The following RNF10 variants were observed in gnomAD, a reference collection of about 807,000 sequenced individuals.
RNF10 encodes ring finger protein 10.
RNF10 carries 38 observed loss-of-function variants against 91.4 expected under a neutral mutation model. The ratio of observed to expected loss-of-function variants is 0.42; its 90% CI spans 0.32 to 0.54. RNF10 has a LOEUF of 0.54. Ranked by LOEUF, RNF10 falls within the 20% of genes least tolerant of loss-of-function variation. RNF10 has a pLI of 0.16. For synonymous variants in RNF10, 364 were observed against 366.3 expected (o/e 0.99, Z 0.07); for missense variants, 945 against 1,012.0 (o/e 0.93, Z 0.90).
intron 8 of RNF10, 86 bp downstream of exon 8, chr12:120,563,156 C>T: frequency 6.3e-7 from 1 of 1,583,292 alleles, no homozygotes. Context: ...TCTAAACCTT[C>T]TCAAGAGAAG....
At chr12:120,553,466 G>A (rs1412454547) in intron 3 of RNF10, among the ~76,000 whole-genome samples, 3 of 145,368 alleles carry the variant, frequency 2.1e-5, no homozygotes, top group Admixed American at 7.1e-5. Context: ...GCAGTGGCAC[G>A]ATCTCAGCTC....
intron 3 of RNF10, among the ~76,000 whole-genome samples, chr12:120,553,038 GTTTTTTTTTTTTTTTTTTTTT>G (rs3049493): frequency 5.5e-5 from 5 of 90,980 alleles, no homozygotes; most frequent in African/African-American, 1.3e-4. Context: ...AAGAGGAAAG[GTTTTTTTTTTTTTTTTTTTTT>G]TTTTTTTTTT....
At chr12:120,557,115 A>G (rs1874163068) in intron 4 of RNF10, among the ~76,000 whole-genome samples, 167 bp from the exon 5 acceptor site, 1 of 151,778 alleles carries the variant, frequency 6.6e-6, no homozygotes, top group African/African-American at 2.4e-5. Context: ...AAAAATGATC[A>G]TACATGTACC....
chr12:120,570,000 C>G (rs997446022), intron 13 of RNF10, among the ~76,000 whole-genome samples: 1 of 152,062 alleles, frequency 6.6e-6, no homozygotes, highest in African/African-American at 2.4e-5. Context: ...TCAAGCGATT[C>G]TCCTGCCCCA....
At chr12:120,545,348 ATTTTTTTTTTT>A (rs36040889) in intron 1 of RNF10, among the ~76,000 whole-genome samples, 8 of 132,366 alleles carry the variant, frequency 6.0e-5, no homozygotes, top group African/African-American at 1.7e-4. Context: ...TGCCCGGCTA[ATTTTTTTTTTT>A]TTTTTTGGAT....
chr12:120,565,197 T>C lies in RNF10; in HGVS notation c.1783+8T>C, dbSNP rs370335001. On this transcript the variant is annotated splice_region_variant and intron_variant, in intron 11 of 16. Transcript: ENST00000325954. Reference sequence around the variant, plus strand: ...CCCTAGAGATGTTCTCAGGTGAGAATGCCCCTGCTCTGCTTCTCTTTATAG... The same window carrying C: ...CCCTAGAGATGTTCTCAGGTGAGAACGCCCCTGCTCTGCTTCTCTTTATAG... 3.3e-5 allele frequency: 51 copies of C among 1,553,422 alleles called. No individual in the cohort carries two copies. The highest frequency in any genetic ancestry group is 6.7e-5 in the Admixed American group (4 of 59,910).
chr12:120,547,997 CTT>C (rs764174595), intron 2 of RNF10, among the ~76,000 whole-genome samples: 1 of 152,052 alleles, frequency 6.6e-6, no homozygotes, highest in Non-Finnish European at 1.5e-5. Flanking sequence ...AGAGCCAAGA[CTT>C]TTTGTTAGAT....
chr12:120,575,351 C>A, intron 14 of RNF10: 1 of 360,344 alleles, frequency 2.8e-6, no homozygotes. Context: ...ATTTGAGGGT[C>A]TCAGTAAGAA....
At chr12:120,570,998 G>A (rs575920336) in intron 13 of RNF10, among the ~76,000 whole-genome samples, 193 bp from the exon 14 acceptor site, 23 of 152,010 alleles carry the variant, frequency 1.5e-4, no homozygotes, top group African/African-American at 5.5e-4. Context: ...TGTACCGGTC[G>A]CTGATTTCAC....
rs771966728 is a variant in RNF10 at position 120,563,562 on chromosome 12, A to G, written c.1470A>G (p.Glu490=). 8.7e-6 allele frequency: 14 copies of G among 1,613,692 alleles called. No homozygotes were observed. The highest frequency in any genetic ancestry group is 1.1e-5 in the Non-Finnish European group (13 of 1,179,854). The change falls in exon 9 of 17, where the codon GAA becomes GAG. Residue 490 remains glutamate (E), a synonymous_variant. Coordinates refer to ENST00000325954, the MANE Select transcript of RNF10 (RefSeq NM_014868.5). ...GTICTESSQQ[E]PITKSGFTRL... is the part of the protein sequence containing the mutation. Reference sequence around the variant, plus strand: ...TTTGCACTGAGTCCAGCCAGCAGGAACCCATCACCAAGTCAGGCTTCACAC... The same window carrying G: ...TTTGCACTGAGTCCAGCCAGCAGGAGCCCATCACCAAGTCAGGCTTCACAC...
chr12:120,566,967 A>T lies in RNF10; in HGVS notation c.2028A>T (p.Pro676=). 1 of 1,603,306 alleles carries T rather than the reference A, an allele frequency of 6.2e-7. No individual in the cohort carries two copies. The highest frequency in any genetic ancestry group is 8.5e-7 in the Non-Finnish European group (1 of 1,177,416). Residue 676 remains proline, a synonymous_variant, in exon 13 of 17, where the codon CCA becomes CCT. Transcript: ENST00000325954. ...ALSISPLSRS[P]GSHADFLLTP... ...CCATTTCTCCTCTCAGCAGAAGTCCAGGTTCCCATGCAGGTAAACAGGTGA... is the reference window on the plus strand; with the variant it reads ...CCATTTCTCCTCTCAGCAGAAGTCCTGGTTCCCATGCAGGTAAACAGGTGA...
Position 120,566,856 on chromosome 12 carries a change from A to G in RNF10, c.1917A>G (p.Leu639=). Residue 639 remains leucine (L), a synonymous_variant, in exon 13 of 17, where the codon CTA becomes CTG. Transcript: ENST00000325954. The part of the protein sequence containing the change: ...YPEVHIPLEN[L]QQFPAFNSYT... The stretch of plus-strand genomic sequence containing the variant: ...AAGTCCACATTCCCCTCGAGAATCT[A>G]CAGCAGTTTCCTGCCTTCAATTCTT... 1 of 1,613,774 alleles carries G rather than the reference A, an allele frequency of 6.2e-7. No individual in the cohort carries two copies. Among genetic ancestry groups the G allele is most frequent in the African/African-American group, 1.3e-5 (1 of 74,934 alleles).
chr12:120,576,684 A>ACCTT lies in RNF10; in HGVS notation c.*20_*23dup. On this transcript the variant is annotated 3_prime_UTR_variant, in exon 17 of 17. Coordinates refer to ENST00000325954, the MANE Select transcript of RNF10 (RefSeq NM_014868.5). The stretch of plus-strand genomic sequence containing the variant: ...CCAAGTGACACTACTGGCCCAGGCT[A>ACCTT]CCTTCTCCATCTGGTTTTTGTTTTT... The ACCTT allele has an allele frequency of 6.3e-7, 1 of 1,596,506 alleles. No homozygotes were observed. The highest frequency in any genetic ancestry group is 8.5e-7 in the Non-Finnish European group (1 of 1,175,092).
chr12:120,551,901 T>C (rs914921900), intron 2 of RNF10, among the ~76,000 whole-genome samples: 1 of 152,082 alleles, frequency 6.6e-6, no homozygotes, highest in Admixed American at 6.6e-5. Context: ...GACTCACAGT[T>C]CTGCAGGCTG....
At position 120,560,872 on chromosome 12, in the gene RNF10, A is replaced by G. The variant is rs982724537; in HGVS notation, c.1114A>G (p.Ile372Val). Residue 372 changes from isoleucine (I) to valine (V), a missense_variant, in exon 7 of 17, where the codon ATC becomes GTC. Transcript: ENST00000325954. ...TPESCFIEAAIQELKTREEAL... is the reference protein window; with the variant it reads ...TPESCFIEAAVQELKTREEAL... Reference sequence around the variant, plus strand: ...CGAGTCCTGCTTTATTGAGGCAGCTATCCAGGAGCTCAAGGTGAGAGGATG... The same window carrying G: ...CGAGTCCTGCTTTATTGAGGCAGCTGTCCAGGAGCTCAAGGTGAGAGGATG... 3.1e-6 allele frequency: 5 copies of G among 1,614,098 alleles called. No individual in the cohort carries two copies. The highest frequency in any genetic ancestry group is 3.4e-6 in the Non-Finnish European group (4 of 1,179,976).
chr12:120,541,209 C>A (rs183017297), intron 1 of RNF10, among the ~76,000 whole-genome samples: 320 of 152,266 alleles, frequency 2.1e-3, no homozygotes, highest in African/African-American at 7.5e-3. Flanking sequence ...TTACCTAAAT[C>A]TATGCAAACC....
intron 12 of RNF10, among the ~76,000 whole-genome samples, chr12:120,566,079 G>T (rs780875958): frequency 6.6e-6 from 1 of 152,210 alleles, no homozygotes; most frequent in African/African-American, 2.4e-5. Flanking sequence ...AAGGAACTGA[G>T]TCCTTGGCCC....
intron 1 of RNF10, chr12:120,535,561 C>G (rs1386454064): frequency 6.6e-6 from 1 of 152,090 alleles, no homozygotes; most frequent in Non-Finnish European, 1.5e-5. Flanking sequence ...CCCGAGTTTA[C>G]TTACTTGTAA....
chr12:120,542,721 G>A (rs1380840017), intron 1 of RNF10, among the ~76,000 whole-genome samples: 14 of 151,764 alleles, frequency 9.2e-5, no homozygotes, highest in Admixed American at 9.2e-4. Flanking sequence ...CCTGGCTAAT[G>A]TTTGTATTTC....
Sources: allele counts gnomAD v4.1 joint callset (sites outside exome capture counted in the v4.1 genomes callset), GRCh38; gene constraint gnomAD v4.1.1; transcripts MANE v1.5; gene names NCBI Gene and HGNC (gene_info 2026-07-23, HGNC 2026-07-21).